KIAA0753: variants seen among roughly 807,000 people sequenced by gnomAD.
The protein encoded by KIAA0753 is protein moonraker.
KIAA0753 carries 114 observed loss-of-function variants against 116.9 expected under a neutral mutation model. That is an observed-to-expected ratio of 0.98 (90% CI 0.84 to 1.14). The LOEUF is 1.14. KIAA0753 is among the 50% of genes most tolerant of loss of function. The probability of loss-of-function intolerance (pLI) is 0.00; values close to 1 mark genes in which losing one functional copy is unlikely to be tolerated. For missense variants in KIAA0753, 1,156 were observed against 1,172.4 expected, an observed-to-expected ratio of 0.99 and a Z score of 0.20; for synonymous variants, 405 against 413.1, an observed-to-expected ratio of 0.98 and a Z score of 0.24.
Position 6,580,898 on chromosome 17 carries a change from G to GTACACACA in KIAA0753, c.2787-1042_2787-1035dup, listed in dbSNP as rs1225682497. ...GGGGACTCTGCACGGGTGCTCCTCT[G>GTACACACA]TACACACACACACACACACACACAC... On this transcript the variant is annotated intron_variant, in intron 18 of 18. Transcript: ENST00000361413. 2.5e-3 allele frequency among the ~76,000 whole-genome samples: 109 copies of GTACACACA among 43,246 alleles called. 1 individual carries two copies. The highest frequency in any genetic ancestry group is 0.011 in the African/African-American group (106 of 10,010). 28.4% of individuals were successfully genotyped at this position (43,246 alleles called of 152,430 possible). A position where few individuals can be genotyped will look rare whatever the true frequency, so the allele number is the denominator to read the frequency against.
rs544624298 is a variant in KIAA0753 at position 6,604,349 on chromosome 17, C to T, written c.2009+2524G>A. On this transcript the variant is annotated intron_variant, in intron 12 of 18. Coordinates refer to ENST00000361413, the MANE Select transcript of KIAA0753 (RefSeq NM_014804.3). ...CTCGACTTCCCAGGCTCAAGTGATT[C>T]TCCTACTTCAGCCTCCCAAATAGCT... is the stretch of plus-strand genomic sequence containing the variant. Among the ~76,000 whole-genome samples, 4 of 151,596 alleles carry T rather than the reference C, an allele frequency of 2.6e-5. No individual in the cohort carries two copies. The East Asian group carries it at 7.9e-4, about 30-fold the overall frequency.
chr17:6,596,205 C>T lies in KIAA0753; in HGVS notation c.2311G>A (p.Asp771Asn), dbSNP rs1200274174. 3.7e-6 allele frequency: 6 copies of T among 1,613,808 alleles called. No homozygotes were observed. The highest frequency in any genetic ancestry group is 4.2e-6 in the Non-Finnish European group (5 of 1,179,862). Residue 771 changes from aspartate to asparagine, a missense_variant, in exon 15 of 19, where the codon GAT (aspartate) becomes AAT (asparagine). Asp to Asn is a conservative substitution (Grantham distance 23). Coordinates refer to ENST00000361413, the MANE Select transcript of KIAA0753 (RefSeq NM_014804.3). Reference sequence around the variant, plus strand: ...ATCATGATCTCCAGATCTGGGCTATCCTTGCTGTCCTCAACGGTGGCTAAG... The same window carrying T: ...ATCATGATCTCCAGATCTGGGCTATTCTTGCTGTCCTCAACGGTGGCTAAG... ...ETLATVEDSK[D>N]SPDLEIMMRR...
intron 11 of KIAA0753, 90 bp from the exon 12 acceptor site, chr17:6,607,052 C>A (rs1239658513): frequency 1.4e-6 from 2 of 1,426,858 alleles, no homozygotes; most frequent in Admixed American, 3.4e-5. Context: ...CCCTTGGCTT[C>A]TTAAGTGACT....
In KIAA0753 at chr17:6,628,221, C is replaced by T. The variant is rs182130930; in HGVS notation, c.614G>A (p.Gly205Asp). 100 of 1,614,204 alleles carry T rather than the reference C, an allele frequency of 6.2e-5. No homozygotes were observed. The African/African-American group carries it at 1.2e-3, about 19-fold the overall frequency. The change falls in exon 3 of 19, where the codon GGT becomes GAT. Residue 205 changes from glycine (G) to aspartate (D), a missense_variant. Coordinates refer to ENST00000361413, the MANE Select transcript of KIAA0753 (RefSeq NM_014804.3). ...DPGLQPHPRIGDHKNISEQKS... is the reference protein window; with the variant it reads ...DPGLQPHPRIDDHKNISEQKS... ...CTGTTCACTTATGTTTTTGTGGTCA[C>T]CTATCCTGGGATGAGGCTGAAGTCC... is the stretch of plus-strand genomic sequence containing the variant.
rs550351036 is a variant in KIAA0753 at position 6,622,964 on chromosome 17, C to T, written c.1022G>A (p.Arg341His). The stretch of plus-strand genomic sequence containing the variant: ...CTTGACAGAACAAAGTGAAAGCTGG[C>T]GAATAAGGCTGCCCAGTTCCTTACA... ...ARCKELGSLI[R>H]QLSLCSVKLD... The change falls in exon 6 of 19, where the codon CGC (arginine) becomes CAC (histidine). Residue 341 changes from arginine to histidine, a missense_variant. By Grantham distance (29) the Arg-to-His change is conservative. Coordinates refer to ENST00000361413, the MANE Select transcript of KIAA0753 (RefSeq NM_014804.3). 11 of 1,614,018 alleles carry T rather than the reference C, an allele frequency of 6.8e-6. No individual in the cohort carries two copies. The highest frequency in any genetic ancestry group is 2.2e-5 in the South Asian group (2 of 91,082).
At position 6,579,607 on chromosome 17, in the gene KIAA0753, C is replaced by T. The variant is rs1193300525; in HGVS notation, c.*140G>A. 7 of 666,890 alleles carry T rather than the reference C, an allele frequency of 1.0e-5. No homozygotes were observed. The highest frequency in any genetic ancestry group is 2.2e-5 in the Admixed American group (1 of 44,904). The allele number at this position is 666,890 out of a possible 1,614,324, so 41.3% of individuals were successfully genotyped here. The stretch of plus-strand genomic sequence containing the variant: ...AAATGCAAAGTGAGGATGACCTCCC[C>T]GGCACTGCCTTCCTTTCAGTGGGCA... On this transcript the variant is annotated 3_prime_UTR_variant, in exon 19 of 19. Coordinates refer to ENST00000361413, the MANE Select transcript of KIAA0753 (RefSeq NM_014804.3).
chr17:6,626,828 C>T (rs559911815), intron 3 of KIAA0753, among the ~76,000 whole-genome samples: 16 of 152,138 alleles, frequency 1.1e-4, no homozygotes, highest in Non-Finnish European at 1.9e-4. Context: ...CCAGTCCTTC[C>T]CCACAGAGAC....
At position 6,599,305 on chromosome 17, in the gene KIAA0753, T is replaced by C. The variant is rs369104199; in HGVS notation, c.2104A>G (p.Thr702Ala). The C allele has an allele frequency of 5.0e-6, 8 of 1,612,368 alleles. No homozygotes were observed. Among genetic ancestry groups the C allele is most frequent in the Non-Finnish European group, 6.8e-6 (8 of 1,178,616 alleles). Reference sequence around the variant, plus strand: ...TCTTTCAAATGAATATTTGCTTCTGTAGTAGAATTGACTCTCTATTAAAAC... The same window carrying C: ...TCTTTCAAATGAATATTTGCTTCTGCAGTAGAATTGACTCTCTATTAAAAC... Reference protein sequence around the residue: ...LVKAQRVNSTTEANIHLKDGS... With the variant: ...LVKAQRVNSTAEANIHLKDGS... The change falls in exon 14 of 19, where the codon ACA (threonine) becomes GCA (alanine). Residue 702 changes from threonine to alanine, a missense_variant. Physicochemically the swap from Thr to Ala is moderately conservative, Grantham distance 58 (BLOSUM62 0). Transcript: ENST00000361413.
At chr17:6,588,573 C>T (rs1022351993) in intron 18 of KIAA0753, among the ~76,000 whole-genome samples, 4 of 152,040 alleles carry the variant, frequency 2.6e-5, no homozygotes, top group African/African-American at 9.7e-5. Context: ...TATTGAGAGG[C>T]TGGCTACTGC....
chr17:6,626,542 TG>T (rs1435683884), intron 3 of KIAA0753, among the ~76,000 whole-genome samples: 1 of 151,930 alleles, frequency 6.6e-6, no homozygotes, highest in Non-Finnish European at 1.5e-5. Context: ...GTGGGGGGTT[TG>T]AAGGCTCACT....
chr17:6,604,247 C>CTT lies in KIAA0753; in HGVS notation c.2009+2624_2009+2625dup, dbSNP rs34562582. 5.6e-3 allele frequency among the ~76,000 whole-genome samples: 834 copies of CTT among 148,248 alleles called. 9 individuals carry two copies. The highest frequency in any genetic ancestry group is 0.018 in the African/African-American group (722 of 40,414). On this transcript the variant is annotated intron_variant, in intron 12 of 18. Coordinates refer to ENST00000361413, the MANE Select transcript of KIAA0753 (RefSeq NM_014804.3). ...CAAACTGGAAAAGAACTCAGATGTT[C>CTT]TTTTTTTTTTTTGAGACAGGGTCTT...
At chr17:6,586,952 AAAG>A (rs1214835071) in intron 18 of KIAA0753, among the ~76,000 whole-genome samples, 1 of 152,210 alleles carries the variant, frequency 6.6e-6, no homozygotes, top group Non-Finnish European at 1.5e-5. Context: ...ATAAACTAAA[AAAG>A]AAGAGATAGT....
At position 6,608,454 on chromosome 17, in the gene KIAA0753, G is replaced by A. The variant is rs765589499; in HGVS notation, c.1723C>T (p.Leu575=). 2 of 1,537,736 alleles carry A rather than the reference G, an allele frequency of 1.3e-6. No individual in the cohort carries two copies. Among genetic ancestry groups the A allele is most frequent in the Non-Finnish European group, 1.8e-6 (2 of 1,135,732 alleles). The part of the protein sequence containing the change: ...PPASPKCAAW[L]KVKTSPRDAT... ...TCTCTGGGGCTAGTTTTCACCTTTA[G>A]CCATGCAGCACTGAAATAAATGGAA... Residue 575 remains leucine (L), a synonymous_variant, in exon 10 of 19, where the codon CTA becomes TTA. Coordinates refer to ENST00000361413, the MANE Select transcript of KIAA0753 (RefSeq NM_014804.3).
At chr17:6,589,595 G>A (rs1264169126) in intron 18 of KIAA0753, among the ~76,000 whole-genome samples, 184 bp downstream of exon 18, 3 of 152,312 alleles carry the variant, frequency 2.0e-5, no homozygotes, top group African/African-American at 7.2e-5. Flanking sequence ...CACCGCCTGT[G>A]CTGTTTTACG....
chr17:6,586,962 T>G (rs914423657), intron 18 of KIAA0753, among the ~76,000 whole-genome samples: 1 of 152,174 alleles, frequency 6.6e-6, no homozygotes, highest in Non-Finnish European at 1.5e-5. Context: ...AAAGAAGAGA[T>G]AGTGGCTCAT....
intron 2 of KIAA0753, among the ~76,000 whole-genome samples, chr17:6,630,430 T>C (rs1273022679): frequency 1.3e-5 from 2 of 151,834 alleles, no homozygotes; most frequent in Non-Finnish European, 2.9e-5. Context: ...TGGCAATCGC[T>C]AACAAAAACA....
intron 10 of KIAA0753, among the ~76,000 whole-genome samples, chr17:6,608,030 G>A (rs1201440582): frequency 6.6e-6 from 1 of 151,750 alleles, no homozygotes; most frequent in African/African-American, 2.4e-5. Context: ...CAAGGGCTGG[G>A]ATTATGGCCT....
chr17:6,634,922 G>T (rs1972221514), intron 2 of KIAA0753, 89 bp downstream of exon 2: 1 of 815,344 alleles, frequency 1.2e-6, no homozygotes, highest in Non-Finnish European at 2.1e-6. Flanking sequence ...AATCTAGGAG[G>T]TGATTTCAAA....
chr17:6,611,825 T>C, intron 8 of KIAA0753, 94 bp downstream of exon 8: 2 of 944,240 alleles, frequency 2.1e-6, no homozygotes, highest in Non-Finnish European at 3.3e-6. Flanking sequence ...AGCATCCAAT[T>C]GCCTGAGAAC....
Sources: allele counts gnomAD v4.1 joint callset (sites outside exome capture counted in the v4.1 genomes callset), GRCh38; gene constraint gnomAD v4.1.1; transcripts MANE v1.5; gene names NCBI Gene and HGNC (gene_info 2026-07-23, HGNC 2026-07-21).